SEMA5A: variants seen among roughly 807,000 people sequenced by gnomAD.
SEMA5A encodes semaphorin-5A.
A neutral mutation model predicts 135.5 loss-of-function variants in SEMA5A; 55 were observed. The ratio of observed to expected loss-of-function variants is 0.41; its 90% confidence interval spans 0.33 to 0.51. SEMA5A has a LOEUF of 0.51. SEMA5A is among the 20% of genes least tolerant of loss of function. The probability of loss-of-function intolerance (pLI) is 0.37; values close to 1 mark genes in which losing one functional copy is unlikely to be tolerated. For missense variants in SEMA5A, 1,290 were observed against 1,419.9 expected, an observed-to-expected ratio of 0.91 and a Z score of 1.47; for synonymous variants, 580 against 546.5, an observed-to-expected ratio of 1.06 and a Z score of -0.85.
intron 2 of SEMA5A, among the ~76,000 whole-genome samples, chr5:9,380,407 A>G (rs1755547657): frequency 6.6e-6 from 1 of 152,144 alleles, no homozygotes; most frequent in Admixed American, 6.5e-5. Context: ...ACAGGTCTAT[A>G]TGTGGAAACC....
intron 5 of SEMA5A, among the ~76,000 whole-genome samples, chr5:9,294,014 G>T (rs751582419): frequency 6.6e-6 from 1 of 152,084 alleles, no homozygotes; most frequent in African/African-American, 2.4e-5. Context: ...GCCAATAGTG[G>T]TATAAGTGAA....
chr5:9,067,399 A>G (rs1323793788), intron 16 of SEMA5A, among the ~76,000 whole-genome samples: 1 of 152,170 alleles, frequency 6.6e-6, no homozygotes, highest in African/African-American at 2.4e-5. Context: ...ACAGAGCCCA[A>G]CAGGAGGGAT....
chr5:9,318,962 G>A (rs540627763), intron 4 of SEMA5A, among the ~76,000 whole-genome samples: 1 of 152,332 alleles, frequency 6.6e-6, no homozygotes, highest in South Asian at 2.1e-4. Flanking sequence ...ACTTTGGGAG[G>A]CTGAGGCAGG....
chr5:9,357,942 A>ATCAGTGCAT (rs1754524257), intron 3 of SEMA5A, among the ~76,000 whole-genome samples: 1 of 152,248 alleles, frequency 6.6e-6, no homozygotes, highest in Non-Finnish European at 1.5e-5. Context: ...AGGAATTATG[A>ATCAGTGCAT]TCAGTGCATT....
At chr5:9,366,122 C>T (rs748778590) in intron 3 of SEMA5A, among the ~76,000 whole-genome samples, 1 of 152,322 alleles carries the variant, frequency 6.6e-6, no homozygotes, top group East Asian at 1.9e-4. Context: ...CTAAACTTTA[C>T]TGCACTGATG....
chr5:9,201,298 A>G (rs556947995), intron 9 of SEMA5A, among the ~76,000 whole-genome samples: 1 of 152,252 alleles, frequency 6.6e-6, no homozygotes, highest in South Asian at 2.1e-4. Flanking sequence ...ATTAAGAGTG[A>G]AAGAGATCAG....
At chr5:9,422,167 C>G (rs2126633929) in intron 2 of SEMA5A, among the ~76,000 whole-genome samples, 1 of 152,318 alleles carries the variant, frequency 6.6e-6, no homozygotes, top group East Asian at 1.9e-4. Context: ...ACCTTTGGCA[C>G]AGATGCCACC....
rs1554001600 is a variant in SEMA5A at position 9,197,780 on chromosome 5, G to GTA, written c.933-478_933-477insTA. 4.4e-4 allele frequency among the ~76,000 whole-genome samples: 46 copies of GTA among 104,014 alleles called. 2 individuals are homozygous for GTA. Among genetic ancestry groups the GTA allele is most frequent in the East Asian group, 1.0e-3 (3 of 2,976 alleles). 68.2% of individuals were successfully genotyped at this position (104,014 alleles called of 152,430 possible). Reference sequence around the variant, plus strand: ...TGTGTGTGTGTGTGTGTGTGTGTGTGTGTGTTTTAACCCAGATATTTGTTT... The same window carrying GTA: ...TGTGTGTGTGTGTGTGTGTGTGTGTGTATGTGTTTTAACCCAGATATTTGTTT... On this transcript the variant is annotated intron_variant, in intron 9 of 22. Transcript: ENST00000382496.
chr5:9,267,688 C>G (rs2150531003), intron 5 of SEMA5A, among the ~76,000 whole-genome samples: 1 of 152,080 alleles, frequency 6.6e-6, no homozygotes, highest in East Asian at 1.9e-4. Context: ...AGCTAGACCT[C>G]AAAAGTATAG....
chr5:9,044,834 G>A (rs1260757197), intron 21 of SEMA5A, among the ~76,000 whole-genome samples: 2 of 152,030 alleles, frequency 1.3e-5, no homozygotes, highest in African/African-American at 4.8e-5. Context: ...GCCCAGGCTG[G>A]AGTGCAATGG....
At chr5:9,513,272 C>T (rs927944581) in intron 1 of SEMA5A, among the ~76,000 whole-genome samples, 10 of 151,624 alleles carry the variant, frequency 6.6e-5, no homozygotes, top group South Asian at 2.1e-4. Flanking sequence ...AGTATTAAAC[C>T]AGAAAACTTT....
At chr5:9,194,740 T>C (rs1745297387) in intron 10 of SEMA5A, among the ~76,000 whole-genome samples, 1 of 152,228 alleles carries the variant, frequency 6.6e-6, no homozygotes, top group Non-Finnish European at 1.5e-5. Context: ...AATGCAAGCT[T>C]CCTGCCTGAA....
chr5:9,345,685 C>T (rs1753833314), intron 3 of SEMA5A, among the ~76,000 whole-genome samples: 1 of 152,178 alleles, frequency 6.6e-6, no homozygotes, highest in Admixed American at 6.5e-5. Context: ...CATCCTCCTT[C>T]AAACTACCCA....
intron 1 of SEMA5A, among the ~76,000 whole-genome samples, chr5:9,481,592 G>T (rs1028559615): frequency 2.0e-5 from 3 of 152,224 alleles, no homozygotes; most frequent in African/African-American, 7.2e-5. Flanking sequence ...CTTTTTCCTT[G>T]GGTATTTATA....
At chr5:9,112,428 G>T (rs750238365) in intron 15 of SEMA5A, among the ~76,000 whole-genome samples, 3 of 152,114 alleles carry the variant, frequency 2.0e-5, no homozygotes, top group Non-Finnish European at 2.9e-5. Context: ...ACCAATCAGG[G>T]CCTCTTCTGA....
At chr5:9,207,451 C>T (rs1003779220) in intron 8 of SEMA5A, among the ~76,000 whole-genome samples, 3 of 152,074 alleles carry the variant, frequency 2.0e-5, no homozygotes, top group Admixed American at 6.5e-5. Context: ...TCCCAAAGTG[C>T]TGGGATTATA....
At position 9,035,629 on chromosome 5, in the gene SEMA5A, A is replaced by G. The variant is rs191835095; in HGVS notation, c.*7268T>C. Reference sequence around the variant, plus strand: ...ATTTACAACCAGTGAATTGATGGACAGGAAAGATAAAAGTCATGAACATTA... The same window carrying G: ...ATTTACAACCAGTGAATTGATGGACGGGAAAGATAAAAGTCATGAACATTA... On this transcript the variant is annotated 3_prime_UTR_variant, in exon 23 of 23. Transcript: ENST00000382496. 7.9e-5 allele frequency: 12 copies of G among 152,338 alleles called. No individual in the cohort carries two copies. Among genetic ancestry groups the G allele is most frequent in the Admixed American group, 7.8e-4 (12 of 15,302 alleles). 9.4% of individuals were successfully genotyped at this position (152,338 alleles called of 1,614,324 possible).
At chr5:9,120,087 T>A (rs565991709) in intron 14 of SEMA5A, among the ~76,000 whole-genome samples, 36 of 152,092 alleles carry the variant, frequency 2.4e-4, no homozygotes, top group African/African-American at 4.8e-4. Context: ...GGTTTTTTTT[T>A]AAAATTTTAT....
chr5:9,497,392 G>T (rs898909638), intron 1 of SEMA5A, among the ~76,000 whole-genome samples: 47 of 152,204 alleles, frequency 3.1e-4, no homozygotes, highest in African/African-American at 1.1e-3. Flanking sequence ...ATACGGTTCA[G>T]ACACAATGGA....
Sources: gnomAD v4.1 joint callset for allele counts (sites outside exome capture counted in the v4.1 genomes callset) on GRCh38, gnomAD v4.1.1 for gene constraint, MANE v1.5 for transcripts, NCBI Gene and HGNC (gene_info 2026-07-23, HGNC 2026-07-21) for gene names.